CFLAR: variants seen among roughly 807,000 people sequenced by gnomAD.
CFLAR encodes the protein CASP8 and FADD like apoptosis regulator.
In CFLAR, 14 loss-of-function variants were observed where a neutral mutation model predicts 51.1. The observed-to-expected ratio is 0.27, with a 90% CI of 0.18 to 0.43. The LOEUF is 0.43. Ranked by LOEUF, CFLAR falls within the 20% of genes least tolerant of loss-of-function variation. The pLI, the probability that CFLAR is intolerant of heterozygous loss-of-function variation, is 1.00. For missense variants in CFLAR, 390 were observed against 566.5 expected (o/e 0.69, Z 3.16); for synonymous variants, 210 against 211.6 (o/e 0.99, Z 0.06).
chr2:201,137,556 C>T, intron 4 of CFLAR: 3 of 704,658 alleles, frequency 4.3e-6, no homozygotes, highest in Non-Finnish European at 2.6e-6. Flanking sequence ...GCCATGGATG[C>T]CACCGTCGAT....
At chr2:201,119,933 G>A (rs1190163775) in intron 1 of CFLAR, among the ~76,000 whole-genome samples, 1 of 137,150 alleles carries the variant, frequency 7.3e-6, no homozygotes, top group Non-Finnish European at 1.6e-5. Flanking sequence ...TTATTTTCTA[G>A]TTTGCAAGAT....
intron 8 of CFLAR, chr2:201,154,071 A>ATTTTTCT (rs1456674379): frequency 2.0e-5 from 6 of 298,984 alleles, no homozygotes. Flanking sequence ...CGCCCAGCTA[A>ATTTTTCT]TTTTTCTTTT....
intron 1 of CFLAR, among the ~76,000 whole-genome samples, chr2:201,117,750 C>CTT (rs1174973596): frequency 0.029 from 3,262 of 113,662 alleles, 188 homozygotes; most frequent in African/African-American, 0.096. Flanking sequence ...GCTCCAAGAT[C>CTT]TTTTTTTTTT....
chr2:201,168,522 A>AATGAT lies in CFLAR; in HGVS notation c.*4552_*4553insATATG, dbSNP rs1943806839. On this transcript the variant is annotated 3_prime_UTR_variant, in exon 10 of 10. Transcript: ENST00000309955. ...CAAACCCACAGCCATTATCATACTG[A>AATGAT]ATGGGCAAAAGCTGGAAGCATTCCC... is the stretch of plus-strand genomic sequence containing the variant. 1 of 152,206 alleles carries AATGAT rather than the reference A, an allele frequency of 6.6e-6. No individual in the cohort carries two copies. The allele number at this position is 152,206 out of a possible 1,614,324, so 9.4% of individuals were successfully genotyped here. A position where few individuals can be genotyped will look rare whatever the true frequency, so the allele number is the denominator to read the frequency against.
At chr2:201,127,933 C>G (rs969288219) in intron 1 of CFLAR, among the ~76,000 whole-genome samples, 1 of 151,970 alleles carries the variant, frequency 6.6e-6, no homozygotes, top group Non-Finnish European at 1.5e-5. Context: ...AAATGATTAT[C>G]TCATTTTGTT....
rs1944078452 is a variant in CFLAR at position 201,172,469 on chromosome 2, G to A, written c.*8496G>A. Reference sequence around the variant, plus strand: ...CCCCTTTAAAGTAAATGATGCAGTGGATTTTAGTATATTTACAGAGTTGTG... The same window carrying A: ...CCCCTTTAAAGTAAATGATGCAGTGAATTTTAGTATATTTACAGAGTTGTG... On this transcript the variant is annotated 3_prime_UTR_variant, in exon 10 of 10. Transcript: ENST00000309955. The A allele has an allele frequency of 6.6e-6, 1 of 152,072 alleles. No individual in the cohort carries two copies. The highest frequency in any genetic ancestry group is 1.5e-5 in the Non-Finnish European group (1 of 68,018). 9.4% of individuals were successfully genotyped at this position (152,072 alleles called of 1,614,324 possible).
Position 201,138,261 on chromosome 2 carries a change from C to A in CFLAR, c.524-2096C>A. The stretch of plus-strand genomic sequence containing the variant: ...GACGAGTCCAAGCCTATGACATTGA[C>A]GCCTACCTGGGTGAGCAGGTCCAGG... On this transcript the variant is annotated intron_variant, in intron 4 of 9. Coordinates refer to ENST00000309955, the MANE Select transcript of CFLAR (RefSeq NM_003879.7). This position sits in a 1 kb window ranked among gnomAD's most constrained non-coding sequence, Gnocchi z 4.0. 1 of 826,914 alleles carries A rather than the reference C, an allele frequency of 1.2e-6. No homozygotes were observed. Among genetic ancestry groups the A allele is most frequent in the Non-Finnish European group, 2.1e-6 (1 of 466,260 alleles). The allele number at this position is 826,914 out of a possible 1,614,324, so 51.2% of individuals were successfully genotyped here.
At chr2:201,129,178 T>C (rs912116431) in intron 1 of CFLAR, among the ~76,000 whole-genome samples, 4 of 152,082 alleles carry the variant, frequency 2.6e-5, no homozygotes, top group Admixed American at 1.3e-4. Flanking sequence ...TGCCCTCAGG[T>C]GTGAGTGAGG....
chr2:201,123,967 C>A (rs1407536191), intron 1 of CFLAR, among the ~76,000 whole-genome samples: 1 of 152,212 alleles, frequency 6.6e-6, no homozygotes, highest in Middle Eastern at 3.2e-3. Context: ...GCTGGCAAGA[C>A]AGGTTTCTCC....
intron 6 of CFLAR, among the ~76,000 whole-genome samples, chr2:201,146,142 T>A (rs1940108791): frequency 6.6e-6 from 1 of 151,652 alleles, no homozygotes; most frequent in Admixed American, 6.6e-5. Flanking sequence ...AATTTTTTTC[T>A]TATCTTTTCT....
At chr2:201,153,137 G>T (rs719125) in intron 8 of CFLAR, 37,496 of 152,140 alleles carry the variant, frequency 0.25, 5,406 homozygotes, top group African/African-American at 0.4. Context: ...GAATCAGGGT[G>T]ATTTGACTCA....
intron 7 of CFLAR, 32 bp from the exon 8 acceptor site, chr2:201,149,722 G>GTGA: frequency 6.5e-7 from 1 of 1,530,954 alleles, no homozygotes; most frequent in African/African-American, 1.4e-5. Flanking sequence ...GCAATATCCA[G>GTGA]AGTCTTTAGC....
In CFLAR at chr2:201,138,131, T is replaced by C. The variant is rs2050394414; in HGVS notation, c.523+2024T>C. ...ATCCACACCAGCGTCAATCAGGTTG[T>C]TGGCCTGGGCTGCTGTCACCACGTT... On this transcript the variant is annotated intron_variant, in intron 4 of 9. Transcript: ENST00000309955. This position sits in a 1 kb window ranked among gnomAD's most constrained non-coding sequence, Gnocchi z 4.0. 2.5e-6 allele frequency: 2 copies of C among 789,786 alleles called. No individual in the cohort carries two copies. Among genetic ancestry groups the C allele is most frequent in the Admixed American group, 1.7e-5 (1 of 58,216 alleles). The allele number at this position is 789,786 out of a possible 1,614,324, so 48.9% of individuals were successfully genotyped here.
chr2:201,122,292 T>G (rs2048263601), intron 1 of CFLAR, among the ~76,000 whole-genome samples: 2 of 152,230 alleles, frequency 1.3e-5, no homozygotes, highest in African/African-American at 4.8e-5. Flanking sequence ...TAGAATCACA[T>G]TGCAAGTCAC....
chr2:201,133,259 T>C, intron 3 of CFLAR, 125 bp downstream of exon 3: 1 of 654,138 alleles, frequency 1.5e-6, no homozygotes, highest in Non-Finnish European at 2.8e-6. Context: ...ACATCTCAGG[T>C]GGCTTTTAAA....
At chr2:201,120,027 T>C (rs570532973) in intron 1 of CFLAR, among the ~76,000 whole-genome samples, 429 of 146,818 alleles carry the variant, frequency 2.9e-3, no homozygotes, top group Middle Eastern at 0.027. Context: ...TCTTTTCTTT[T>C]TTTTTTTTTT....
rs1423236805 is a variant in CFLAR, at chr2:201,136,122, C to T, written c.523+15C>T. On this transcript the variant is annotated intron_variant, in intron 4 of 9. Coordinates refer to ENST00000309955, the MANE Select transcript of CFLAR (RefSeq NM_003879.7). ...CAAGCAGTCTGGTAAGAATTTTGGC[C>T]TCTCAGTGGTCTAGGGGAAGTACTC... 1 of 1,612,260 alleles carries T rather than the reference C, an allele frequency of 6.2e-7. No homozygotes were observed. The highest frequency in any genetic ancestry group is 8.5e-7 in the Non-Finnish European group (1 of 1,179,126).
intron 8 of CFLAR, chr2:201,151,176 T>C (rs1343995821): frequency 6.6e-6 from 1 of 152,218 alleles, no homozygotes; most frequent in African/African-American, 2.4e-5. Context: ...GTCTCTTCTA[T>C]CTGCGCGTCA....
chr2:201,172,931 A>G lies in CFLAR; in HGVS notation c.*8958A>G, dbSNP rs1404708583. The G allele has an allele frequency of 4.6e-5, 7 of 152,256 alleles. No individual in the cohort carries two copies. Among genetic ancestry groups the G allele is most frequent in the African/African-American group, 9.6e-5 (4 of 41,474 alleles). The allele number at this position is 152,256 out of a possible 1,614,324, so 9.4% of individuals were successfully genotyped here. On this transcript the variant is annotated 3_prime_UTR_variant, in exon 10 of 10. Transcript: ENST00000309955. The stretch of plus-strand genomic sequence containing the variant: ...ATATACCTTAGAAGTGAGAGTGCTC[A>G]TCATATAGTAACTCTATGTTTAGCC...
Sources: gnomAD v4.1 joint callset for allele counts (sites outside exome capture counted in the v4.1 genomes callset) on GRCh38, gnomAD v4.1.1 for gene constraint, Gnocchi (gnomAD v3.1) non-coding constraint, MANE v1.5 for transcripts, NCBI Gene and HGNC (gene_info 2026-07-23, HGNC 2026-07-21) for gene names.